ARHGAP15: variants seen among roughly 807,000 people sequenced by gnomAD.
The protein encoded by ARHGAP15 is rho GTPase-activating protein 15.
ARHGAP15 carries 51 observed loss-of-function variants against 63.7 expected under a neutral mutation model. The observed-to-expected ratio is 0.80, with a 90% CI of 0.64 to 1.01. ARHGAP15 has a LOEUF of 1.01. Among genes scored for constraint, ARHGAP15 ranks in the 50% least tolerant of loss-of-function variants. The pLI, the probability that ARHGAP15 is intolerant of heterozygous loss-of-function variation, is 0.00. For synonymous variants in ARHGAP15, 191 were observed against 193.8 expected (o/e 0.99, Z 0.12); for missense variants, 560 against 564.6 (o/e 0.99, Z 0.08).
intron 6 of ARHGAP15, among the ~76,000 whole-genome samples, chr2:143,386,149 G>T (rs888679785): frequency 3.3e-5 from 5 of 152,002 alleles, no homozygotes; most frequent in Non-Finnish European, 5.9e-5. Context: ...TCCACTTGAG[G>T]TATATTACAG....
chr2:143,207,612 G>A (rs1232712241), intron 3 of ARHGAP15, among the ~76,000 whole-genome samples: 1 of 151,728 alleles, frequency 6.6e-6, no homozygotes, highest in African/African-American at 2.4e-5. Flanking sequence ...CTCTCTGAAC[G>A]CTTATCTTGC....
At chr2:143,384,338 G>A (rs1403407967) in intron 6 of ARHGAP15, among the ~76,000 whole-genome samples, 4 of 151,946 alleles carry the variant, frequency 2.6e-5, no homozygotes, top group Non-Finnish European at 5.9e-5. Context: ...AGAAAAAGAC[G>A]ATGCAAATTA....
chr2:143,656,691 C>T (rs1235922039), intron 12 of ARHGAP15, among the ~76,000 whole-genome samples: 2 of 152,196 alleles, frequency 1.3e-5, no homozygotes, highest in African/African-American at 2.4e-5. Flanking sequence ...TTGAACTTCA[C>T]TCTGGGGGCA....
intron 8 of ARHGAP15, among the ~76,000 whole-genome samples, chr2:143,471,671 A>C (rs1335443752): frequency 6.6e-6 from 1 of 152,104 alleles, no homozygotes; most frequent in African/African-American, 2.4e-5. Flanking sequence ...CTAAGAAAAG[A>C]ATGTTCAGGT....
chr2:143,227,625 C>A (rs916582219), intron 4 of ARHGAP15, among the ~76,000 whole-genome samples: 3 of 152,118 alleles, frequency 2.0e-5, no homozygotes, highest in Non-Finnish European at 4.4e-5. Flanking sequence ...TAGCACAGCA[C>A]GGTTATAAAC....
At chr2:143,751,848 C>T (rs980467783) in intron 13 of ARHGAP15, among the ~76,000 whole-genome samples, 3 of 152,174 alleles carry the variant, frequency 2.0e-5, no homozygotes, top group South Asian at 4.1e-4. Context: ...TAACAGCAAC[C>T]TTGCCTCCGC....
At chr2:143,628,435 C>T (rs1311412526) in intron 12 of ARHGAP15, among the ~76,000 whole-genome samples, 1 of 152,158 alleles carries the variant, frequency 6.6e-6, no homozygotes, top group Non-Finnish European at 1.5e-5. Flanking sequence ...GATGCTGTTG[C>T]ACCCGGTCAA....
At position 143,481,104 on chromosome 2, in the gene ARHGAP15, C is replaced by CT. The variant is rs1000752159; in HGVS notation, c.704-6259dup. The stretch of plus-strand genomic sequence containing the variant: ...AGAGCCTGACAAAACCTTATTTTGT[C>CT]TTTTTTTTTTCTTTGATTTCCTGCT... On this transcript the variant is annotated intron_variant, in intron 8 of 13. Coordinates refer to ENST00000295095, the MANE Select transcript of ARHGAP15 (RefSeq NM_018460.4). Among the ~76,000 whole-genome samples, 259 of 149,182 alleles carry CT rather than the reference C, an allele frequency of 1.7e-3. 2 individuals carry two copies. The highest frequency in any genetic ancestry group is 5.9e-3 in the African/African-American group (239 of 40,680).
At chr2:143,665,655 A>G (rs1359205197) in intron 12 of ARHGAP15, among the ~76,000 whole-genome samples, 1 of 125,730 alleles carries the variant, frequency 8.0e-6, no homozygotes, top group East Asian at 2.4e-4. Context: ...ACATGATTGT[A>G]TATCTAGAAA....
At chr2:143,162,763 G>A (rs1308895450) in intron 2 of ARHGAP15, among the ~76,000 whole-genome samples, 1 of 151,980 alleles carries the variant, frequency 6.6e-6, no homozygotes, top group African/African-American at 2.4e-5. Flanking sequence ...ATATTATTAA[G>A]AGAGGTTTAA....
At chr2:143,347,073 C>T (rs1248026874) in intron 6 of ARHGAP15, among the ~76,000 whole-genome samples, 1 of 152,098 alleles carries the variant, frequency 6.6e-6, no homozygotes, top group Non-Finnish European at 1.5e-5. Context: ...TAAGAATTCA[C>T]TTATCTCATG....
At chr2:143,498,820 A>G (rs1212997430) in intron 9 of ARHGAP15, among the ~76,000 whole-genome samples, 4 of 152,138 alleles carry the variant, frequency 2.6e-5, no homozygotes, top group African/African-American at 9.7e-5. Flanking sequence ...AGGTATTTCT[A>G]GCAACCATAT....
At chr2:143,133,787 G>A (rs115731497) in intron 1 of ARHGAP15, among the ~76,000 whole-genome samples, 2,334 of 151,842 alleles carry the variant, frequency 0.015, 24 homozygotes, top group Non-Finnish European at 0.024. Context: ...TTAATCCAAC[G>A]TAACCACTTT....
chr2:143,354,785 C>T (rs1180544970), intron 6 of ARHGAP15, among the ~76,000 whole-genome samples: 1 of 152,052 alleles, frequency 6.6e-6, no homozygotes, highest in Non-Finnish European at 1.5e-5. Flanking sequence ...ACATTAATTT[C>T]AAAGATTTTG....
chr2:143,390,831 C>T (rs111231101), intron 6 of ARHGAP15, among the ~76,000 whole-genome samples: 7 of 152,112 alleles, frequency 4.6e-5, no homozygotes, highest in Admixed American at 1.3e-4. Context: ...CCTTGTACTC[C>T]GGGGAAAATT....
intron 6 of ARHGAP15, among the ~76,000 whole-genome samples, chr2:143,416,818 A>ACCCC (rs1558957067): frequency 1.0e-5 from 1 of 96,442 alleles, no homozygotes; most frequent in African/African-American, 4.2e-5. Context: ...CACTTCCCCC[A>ACCCC]CCACCCCCCC....
At chr2:143,374,499 G>T (rs1457513939) in intron 6 of ARHGAP15, among the ~76,000 whole-genome samples, 1 of 151,076 alleles carries the variant, frequency 6.6e-6, no homozygotes, top group African/African-American at 2.4e-5. Context: ...GTTGTTTTTT[G>T]GGGGGGTTTC....
At chr2:143,366,137 A>G (rs1239579949) in intron 6 of ARHGAP15, among the ~76,000 whole-genome samples, 2 of 152,172 alleles carry the variant, frequency 1.3e-5, no homozygotes, top group African/African-American at 2.4e-5. Flanking sequence ...GGTAGCACAG[A>G]TAGATAGTCT....
At chr2:143,201,045 T>A (rs1331613773) in intron 2 of ARHGAP15, among the ~76,000 whole-genome samples, 1 of 152,128 alleles carries the variant, frequency 6.6e-6, no homozygotes, top group African/African-American at 2.4e-5. Flanking sequence ...AGTTCTCTTC[T>A]GGGACGTTTG....
Sources: gnomAD v4.1 joint callset for allele counts (sites outside exome capture counted in the v4.1 genomes callset) on GRCh38, gnomAD v4.1.1 for gene constraint, MANE v1.5 for transcripts, NCBI Gene and HGNC (gene_info 2026-07-23, HGNC 2026-07-21) for gene names.